The following GPAT3 variants were observed in gnomAD, a reference collection of about 807,000 sequenced individuals.
GPAT3 encodes the protein glycerol-3-phosphate acyltransferase 3, also known as 1-AGP acyltransferase 9.
In GPAT3, 53 loss-of-function variants were observed where a neutral mutation model predicts 58.8. That is an observed-to-expected ratio of 0.90 (90% CI 0.72 to 1.13). The LOEUF (loss-of-function observed/expected upper bound fraction) is 1.13, where lower values mean the gene tolerates loss of function less well. Among genes scored for constraint, GPAT3 ranks in the 50% most tolerant of loss-of-function variants. GPAT3 has a pLI of 0.00. For synonymous variants in GPAT3, 197 were observed against 187.4 expected (o/e 1.05, Z -0.42); for missense variants, 511 against 527.6 (o/e 0.97, Z 0.31).
chr4:83,536,322 C>T lies in GPAT3; in HGVS notation c.-301C>T, dbSNP rs1359044912. ...CCGCGCCGCGGTGTGCCTCCGCTTA[C>T]CCGCAGCTCCGACCACTGGCTCGCG... On this transcript the variant is annotated 5_prime_UTR_variant, in exon 1 of 12. Transcript: ENST00000264409. 7 of 1,113,240 alleles carry T rather than the reference C, an allele frequency of 6.3e-6. No individual in the cohort carries two copies. The South Asian group carries it at 1.1e-4, about 18-fold the overall frequency. 69.0% of individuals were successfully genotyped at this position (1,113,240 alleles called of 1,614,324 possible). A position where few individuals can be genotyped will look rare whatever the true frequency, so the allele number is the denominator to read the frequency against.
rs748970964 is a variant in GPAT3 at position 83,581,752 on chromosome 4, T to TTTCCAGTACA, written c.401_410dup (p.Ser138ProfsTer58). The TTTCCAGTACA allele has an allele frequency of 1.9e-5, 31 of 1,614,092 alleles. No individual in the cohort carries two copies. Among genetic ancestry groups the TTTCCAGTACA allele is most frequent in the South Asian group, 1.6e-4 (15 of 91,084 alleles). On this transcript the variant is annotated frameshift_variant, in exon 3 of 12. Transcript: ENST00000264409. LOFTEE classifies it high-confidence loss of function. ...ATCTCCTCACAAGAACCAATGTAAA[T>TTTCCAGTACA]TTCCAGTACATCAGTCTGCGGCTCA...
In GPAT3 at chr4:83,604,703, T is replaced by G; in HGVS notation, c.1241T>G (p.Ile414Ser). The G allele has an allele frequency of 6.2e-7, 1 of 1,614,008 alleles. No homozygotes were observed. Among genetic ancestry groups the G allele is most frequent in the Non-Finnish European group, 8.5e-7 (1 of 1,179,960 alleles). The change falls in exon 12 of 12, where the codon ATC becomes AGC. Residue 414 changes from isoleucine to serine, a missense_variant. Physicochemically the swap from Ile to Ser is moderately radical, Grantham distance 142 (BLOSUM62 -2). Transcript: ENST00000264409. ...GGLKRAKVKD[I>S]FKEEQQKNYS... ...CTAAAGAGAGCAAAGGTGAAGGACA[T>G]CTTTAAGGAAGAGCAGCAGAAAAAT...
In GPAT3 at chr4:83,581,496, A is replaced by G. The variant is rs554434262; in HGVS notation, c.209-66A>G. The G allele has an allele frequency of 3.7e-5, 56 of 1,523,836 alleles. No individual in the cohort carries two copies. In the South Asian group the frequency reaches 7.1e-4, roughly 19 times the overall value. The allele number at this position is 1,523,836 out of a possible 1,614,324, so 94.4% of individuals were successfully genotyped here. ...GCATATTTAACTTCTACACAGTTAAAGTTGCCCTTTTGGTCAATTCTTCTG... is the reference window on the plus strand; with the variant it reads ...GCATATTTAACTTCTACACAGTTAAGGTTGCCCTTTTGGTCAATTCTTCTG... On this transcript the variant is annotated intron_variant, in intron 2 of 11. Transcript: ENST00000264409.
At chr4:83,539,685 T>C (rs1210198801) in intron 1 of GPAT3, among the ~76,000 whole-genome samples, 5 of 152,228 alleles carry the variant, frequency 3.3e-5, no homozygotes, top group East Asian at 1.9e-4. Flanking sequence ...TCTAGATGTA[T>C]GCGTAAGTCA....
Position 83,598,138 on chromosome 4 carries a change from A to G in GPAT3, c.1084A>G (p.Ile362Val). 6.2e-7 allele frequency: 1 copy of G among 1,613,712 alleles called. No individual in the cohort carries two copies. Among genetic ancestry groups the G allele is most frequent in the Non-Finnish European group, 8.5e-7 (1 of 1,179,870 alleles). The change falls in exon 10 of 12, where the codon ATC becomes GTC. Residue 362 changes from isoleucine (I) to valine (V), a missense_variant. Coordinates refer to ENST00000264409, the MANE Select transcript of GPAT3 (RefSeq NM_032717.5). The part of the protein sequence containing the change: ...YLLRMMTSWA[I>V]VCDVWYMPPM... ...GCTTCGAATGATGACCAGCTGGGCC[A>G]TCGTCTGTGACGTGTGGTACATGCC... is the stretch of plus-strand genomic sequence containing the variant.
At chr4:83,570,027 G>T (rs1156688512) in intron 2 of GPAT3, among the ~76,000 whole-genome samples, 3 of 152,194 alleles carry the variant, frequency 2.0e-5, no homozygotes, top group Non-Finnish European at 4.4e-5. Flanking sequence ...AGGGCTTTCT[G>T]TTTAGCAAGG....
At chr4:83,594,641 G>A (rs966979191) in intron 6 of GPAT3, among the ~76,000 whole-genome samples, 7 of 152,324 alleles carry the variant, frequency 4.6e-5, no homozygotes, top group African/African-American at 1.7e-4. Flanking sequence ...GCACAGCAAC[G>A]TAACTTAAAA....
At chr4:83,566,567 C>T (rs779453776) in intron 2 of GPAT3, among the ~76,000 whole-genome samples, 14 of 151,424 alleles carry the variant, frequency 9.2e-5, no homozygotes, top group Non-Finnish European at 1.6e-4. Flanking sequence ...CCACTACGCC[C>T]GGCCTCCTAT....
In GPAT3 at chr4:83,581,758, G is replaced by A. The variant is rs1015501888; in HGVS notation, c.405G>A (p.Gln135=). ...NLLTRTNVNF[Q]YISLRLTMVW... ...TCACAAGAACCAATGTAAATTTCCA[G>A]TACATCAGTCTGCGGCTCACTATGG... Residue 135 remains glutamine, a synonymous_variant, in exon 3 of 12, where the codon CAG becomes CAA. Transcript: ENST00000264409. 2 of 1,614,070 alleles carry A rather than the reference G, an allele frequency of 1.2e-6. No homozygotes were observed. Among genetic ancestry groups the A allele is most frequent in the African/African-American group, 1.3e-5 (1 of 74,918 alleles).
chr4:83,592,059 T>C (rs1239902434), intron 6 of GPAT3, among the ~76,000 whole-genome samples: 1 of 152,112 alleles, frequency 6.6e-6, no homozygotes, highest in East Asian at 1.9e-4. Context: ...GTATCTCTCG[T>C]TATGCCCCAC....
At chr4:83,589,019 A>C (rs890000319) in intron 5 of GPAT3, among the ~76,000 whole-genome samples, 1 of 152,160 alleles carries the variant, frequency 6.6e-6, no homozygotes. Flanking sequence ...GAAGGGAAAC[A>C]TTTTGCCATT....
intron 2 of GPAT3, among the ~76,000 whole-genome samples, chr4:83,563,062 A>C (rs917954695): frequency 6.6e-6 from 1 of 152,208 alleles, no homozygotes; most frequent in African/African-American, 2.4e-5. Flanking sequence ...ATTTGGAATG[A>C]AAGGGTAACA....
intron 2 of GPAT3, among the ~76,000 whole-genome samples, chr4:83,550,076 C>T (rs1196692388): frequency 6.6e-6 from 1 of 152,040 alleles, no homozygotes; most frequent in African/African-American, 2.4e-5. Context: ...CCAGGATGGT[C>T]TTGAACTCCT....
chr4:83,536,084 G>T, upstream of GPAT3: 1 of 985,546 alleles, frequency 1.0e-6, no homozygotes, highest in Non-Finnish European at 1.2e-6. Flanking sequence ...GCAGAAATAG[G>T]GCGCTGGGCG....
chr4:83,589,946 G>A (rs974479933), intron 5 of GPAT3, among the ~76,000 whole-genome samples: 15 of 152,058 alleles, frequency 9.9e-5, no homozygotes, highest in African/African-American at 2.9e-4. Context: ...ATAAAAATTA[G>A]CTGGGCCTGA....
At chr4:83,581,539 A>C in intron 2 of GPAT3, 23 bp from the exon 3 acceptor site, 1 of 1,602,732 alleles carries the variant, frequency 6.2e-7, no homozygotes, top group Non-Finnish European at 8.5e-7. Context: ...GCATTTTCTC[A>C]TGTCCTGATG....
Position 83,605,000 on chromosome 4 carries a change from T to C in GPAT3, c.*233T>C. On this transcript the variant is annotated 3_prime_UTR_variant, in exon 12 of 12. Coordinates refer to ENST00000264409, the MANE Select transcript of GPAT3 (RefSeq NM_032717.5). ...GGTGGTTTACTGAGTTAAAACAGAT[T>C]CTGCTTTTGTAAAATGATGGCATCA... is the stretch of plus-strand genomic sequence containing the variant. 1 of 383,312 alleles carries C rather than the reference T, an allele frequency of 2.6e-6. No individual in the cohort carries two copies. Among genetic ancestry groups the C allele is most frequent in the East Asian group, 4.5e-5 (1 of 22,150 alleles). The allele number at this position is 383,312 out of a possible 1,614,324, so 23.7% of individuals were successfully genotyped here.
chr4:83,592,054 T>G (rs1466223239), intron 6 of GPAT3, among the ~76,000 whole-genome samples: 2 of 152,038 alleles, frequency 1.3e-5, no homozygotes, highest in Admixed American at 6.6e-5. Context: ...CCTCAGTATC[T>G]CTCGTTATGC....
intron 2 of GPAT3, among the ~76,000 whole-genome samples, chr4:83,551,841 T>TATCTATCTATCTATCTATC (rs1327462181): frequency 3.3e-5 from 5 of 149,742 alleles, no homozygotes; most frequent in African/African-American, 1.3e-4. Context: ...TCTATCTATC[T>TATCTATCTATCTATCTATC]ATCTATCTGA....
Sources: gnomAD v4.1 joint callset for allele counts (sites outside exome capture counted in the v4.1 genomes callset) on GRCh38, gnomAD v4.1.1 for gene constraint, MANE v1.5 for transcripts, NCBI Gene and HGNC (gene_info 2026-07-23, HGNC 2026-07-21) for gene names.